Variants in OR56A1 observed in about 807,000 individuals in gnomAD.
OR56A1 encodes olfactory receptor 56A1.
For synonymous variants in OR56A1, 174 were observed against 159.1 expected (o/e 1.09, Z -0.70); for missense variants, 360 against 380.9 (o/e 0.94, Z 0.46).
At position 6,022,029 on chromosome 11, in the gene OR56A1, G is replaced by C. The variant is rs1203201292; in HGVS notation, c.*4719C>G. On this transcript the variant is annotated 3_prime_UTR_variant, in exon 2 of 2. Coordinates refer to ENST00000641900, the MANE Select transcript of OR56A1 (RefSeq NM_001388488.1). ...AAGGCCACACACATCTGTAGGTCTT[G>C]GATTTTTTGCTGCATAGAGTAATCA... is the stretch of plus-strand genomic sequence containing the variant. 6.6e-6 allele frequency: 1 copy of C among 152,098 alleles called. No individual in the cohort carries two copies. Among genetic ancestry groups the C allele is most frequent in the Non-Finnish European group, 1.5e-5 (1 of 67,982 alleles). 9.4% of individuals were successfully genotyped at this position (152,098 alleles called of 1,614,324 possible).
intron 1 of OR56A1, among the ~76,000 whole-genome samples, chr11:6,030,336 T>G (rs1848500151): frequency 6.6e-6 from 1 of 152,072 alleles, no homozygotes; most frequent in Admixed American, 6.6e-5. Context: ...AAAAGGAAAT[T>G]TTTTACTTGA....
rs1212217065 is a variant in OR56A1, at chr11:6,026,891, T to C, written c.802A>G (p.Arg268Gly). ...LLVVVLTNVA[R>G]KKVPMDILIL... is the part of the protein sequence containing the mutation. ...AGGATGTCCATGGGGACCTTCTTTC[T>C]GGCCACGTTTGTCAACACCACAACC... Residue 268 changes from arginine (R) to glycine (G), a missense_variant, in exon 2 of 2, where the codon AGA becomes GGA. Arg to Gly is a moderately radical substitution (Grantham distance 125). Transcript: ENST00000641900. 6.2e-7 allele frequency: 1 copy of C among 1,614,198 alleles called. No individual in the cohort carries two copies. The highest frequency in any genetic ancestry group is 1.1e-5 in the South Asian group (1 of 91,090).
In OR56A1 at chr11:6,025,934, C is replaced by A. The variant is rs1308846892; in HGVS notation, c.*814G>T. On this transcript the variant is annotated 3_prime_UTR_variant, in exon 2 of 2. Coordinates refer to ENST00000641900, the MANE Select transcript of OR56A1 (RefSeq NM_001388488.1). ...CCAGAAACCTGACACTATGACATATCTTTCCACATTCAACTACAGCACTTG... is the reference window on the plus strand; with the variant it reads ...CCAGAAACCTGACACTATGACATATATTTCCACATTCAACTACAGCACTTG... 1 of 152,190 alleles carries A rather than the reference C, an allele frequency of 6.6e-6. No individual in the cohort carries two copies. The highest frequency in any genetic ancestry group is 2.4e-5 in the African/African-American group (1 of 41,440). The allele number at this position is 152,190 out of a possible 1,614,324, so 9.4% of individuals were successfully genotyped here. A position where few individuals can be genotyped will look rare whatever the true frequency, so the allele number is the denominator to read the frequency against.
Position 6,021,003 on chromosome 11 carries a change from G to C in OR56A1, c.*5745C>G, listed in dbSNP as rs1208546800. On this transcript the variant is annotated 3_prime_UTR_variant, in exon 2 of 2. Coordinates refer to ENST00000641900, the MANE Select transcript of OR56A1 (RefSeq NM_001388488.1). Reference sequence around the variant, plus strand: ...AGAAATCCAGCCTGAGAAAAAGTTAGATGATGTGTATAGCAGTCCTTCTCA... The same window carrying C: ...AGAAATCCAGCCTGAGAAAAAGTTACATGATGTGTATAGCAGTCCTTCTCA... 6.6e-6 allele frequency: 1 copy of C among 152,070 alleles called. No homozygotes were observed. The highest frequency in any genetic ancestry group is 1.9e-4 in the East Asian group (1 of 5,194). 9.4% of individuals were successfully genotyped at this position (152,070 alleles called of 1,614,324 possible).
chr11:6,028,084 A>G (rs1848475056), intron 1 of OR56A1, among the ~76,000 whole-genome samples: 1 of 152,144 alleles, frequency 6.6e-6, no homozygotes, highest in Admixed American at 6.5e-5. Context: ...TTGGAGAAAA[A>G]TAGCTTTAAT....
chr11:6,029,447 A>G (rs1012736568), intron 1 of OR56A1, among the ~76,000 whole-genome samples: 10 of 151,664 alleles, frequency 6.6e-5, no homozygotes, highest in African/African-American at 2.4e-4. Flanking sequence ...TCATGCACAA[A>G]CCTCTCACAA....
chr11:6,021,884 A>T lies in OR56A1; in HGVS notation c.*4864T>A, dbSNP rs960276574. The stretch of plus-strand genomic sequence containing the variant: ...GCTCCTAAAGCATTCTCGCATTACT[A>T]TTAAGTTACTGCTAACTGAATTCTA... On this transcript the variant is annotated 3_prime_UTR_variant, in exon 2 of 2. Transcript: ENST00000641900. 6.6e-6 allele frequency: 1 copy of T among 152,182 alleles called. No homozygotes were observed. The highest frequency in any genetic ancestry group is 1.5e-5 in the Non-Finnish European group (1 of 68,016). The allele number at this position is 152,182 out of a possible 1,614,324, so 9.4% of individuals were successfully genotyped here.
upstream of OR56A1, among the ~76,000 whole-genome samples, chr11:6,032,354 T>A (rs2133612022): frequency 6.6e-6 from 1 of 152,302 alleles, no homozygotes; most frequent in South Asian, 2.1e-4. Context: ...CTACTATTAA[T>A]AAATTTTATC....
Position 6,026,137 on chromosome 11 carries a change from G to C in OR56A1, c.*611C>G, listed in dbSNP as rs1845481220. On this transcript the variant is annotated 3_prime_UTR_variant, in exon 2 of 2. Coordinates refer to ENST00000641900, the MANE Select transcript of OR56A1 (RefSeq NM_001388488.1). ...TCAAGACTCTCTCTAAGGTGATGAG[G>C]CTGTATAGGATAGAATAGAAAGCTG... 6.6e-6 allele frequency: 1 copy of C among 152,346 alleles called. No homozygotes were observed. The allele number at this position is 152,346 out of a possible 1,614,324, so 9.4% of individuals were successfully genotyped here.
Position 6,027,209 on chromosome 11 carries a change from T to A in OR56A1, c.484A>T (p.Ile162Phe). The stretch of plus-strand genomic sequence containing the variant: ...TGGAGCAGGGAAGTGAGGATAGGAA[T>A]GGGTGCAGTAAGAAGCGCATTCCGC... The part of the protein sequence containing the change: ...VVRNALLTAP[I>F]PILTSLLHYC... Residue 162 changes from isoleucine (I) to phenylalanine (F), a missense_variant, in exon 2 of 2, where the codon ATT (isoleucine) becomes TTT (phenylalanine). Ile to Phe is a conservative substitution (Grantham distance 21). Coordinates refer to ENST00000641900, the MANE Select transcript of OR56A1 (RefSeq NM_001388488.1). 1 of 1,614,228 alleles carries A rather than the reference T, an allele frequency of 6.2e-7. No homozygotes were observed. Among genetic ancestry groups the A allele is most frequent in the Non-Finnish European group, 8.5e-7 (1 of 1,180,032 alleles).
In OR56A1 at chr11:6,022,975, T is replaced by C. The variant is rs1407017725; in HGVS notation, c.*3773A>G. 2.0e-5 allele frequency: 3 copies of C among 152,198 alleles called. No homozygotes were observed. Among genetic ancestry groups the C allele is most frequent in the African/African-American group, 7.2e-5 (3 of 41,456 alleles). 9.4% of individuals were successfully genotyped at this position (152,198 alleles called of 1,614,324 possible). A position where few individuals can be genotyped will look rare whatever the true frequency, so the allele number is the denominator to read the frequency against. On this transcript the variant is annotated 3_prime_UTR_variant, in exon 2 of 2. Coordinates refer to ENST00000641900, the MANE Select transcript of OR56A1 (RefSeq NM_001388488.1). ...TTTGGTATTGACTTTTAAATGTTGC[T>C]GAAGAAAAGAAAATCATGGTATAAA...
chr11:6,031,391 G>A (rs191804550), upstream of OR56A1, among the ~76,000 whole-genome samples: 14 of 152,250 alleles, frequency 9.2e-5, no homozygotes, highest in Admixed American at 1.3e-4. Flanking sequence ...TTTAGGGTAC[G>A]TACAGAAAGA....
Position 6,021,735 on chromosome 11 carries a change from A to AG in OR56A1, c.*5012_*5013insC, listed in dbSNP as rs1280936577. On this transcript the variant is annotated 3_prime_UTR_variant, in exon 2 of 2. Coordinates refer to ENST00000641900, the MANE Select transcript of OR56A1 (RefSeq NM_001388488.1). Reference sequence around the variant, plus strand: ...CCCAAAGGCAGATGGCATTAAAAAAACAATAAAAAGCAATGATCAGGACAT... The same window carrying AG: ...CCCAAAGGCAGATGGCATTAAAAAAAGCAATAAAAAGCAATGATCAGGACAT... 6.6e-6 allele frequency: 1 copy of AG among 152,182 alleles called. No homozygotes were observed. Among genetic ancestry groups the AG allele is most frequent in the Non-Finnish European group, 1.5e-5 (1 of 68,018 alleles). The allele number at this position is 152,182 out of a possible 1,614,324, so 9.4% of individuals were successfully genotyped here.
chr11:6,021,074 G>A lies in OR56A1; in HGVS notation c.*5674C>T, dbSNP rs1306046273. 1 of 152,026 alleles carries A rather than the reference G, an allele frequency of 6.6e-6. No homozygotes were observed. The highest frequency in any genetic ancestry group is 1.9e-4 in the East Asian group (1 of 5,188). The allele number at this position is 152,026 out of a possible 1,614,324, so 9.4% of individuals were successfully genotyped here. Reference sequence around the variant, plus strand: ...AACATCATTAAGTAGAAAAAGAGTGGCATGGAGAAAGGGAGAAGACAATAT... The same window carrying A: ...AACATCATTAAGTAGAAAAAGAGTGACATGGAGAAAGGGAGAAGACAATAT... On this transcript the variant is annotated 3_prime_UTR_variant, in exon 2 of 2. Coordinates refer to ENST00000641900, the MANE Select transcript of OR56A1 (RefSeq NM_001388488.1).
chr11:6,026,869 A>G lies in OR56A1; in HGVS notation c.824T>C (p.Ile275Thr). Residue 275 changes from isoleucine (I) to threonine (T), a missense_variant, in exon 2 of 2, where the codon ATC becomes ACC. Coordinates refer to ENST00000641900, the MANE Select transcript of OR56A1 (RefSeq NM_001388488.1). ...NVARKKVPMD[I>T]LILLNVLHHL... is the part of the protein sequence containing the mutation. ...ATGAAGGACGTTCAGCAGGATCAGG[A>G]TGTCCATGGGGACCTTCTTTCTGGC... The G allele has an allele frequency of 1.2e-6, 2 of 1,614,164 alleles. No homozygotes were observed. The highest frequency in any genetic ancestry group is 1.3e-5 in the African/African-American group (1 of 75,080).
Position 6,027,228 on chromosome 11 carries a change from A to T in OR56A1, c.465T>A (p.Asn155Lys), listed in dbSNP as rs955639462. The T allele has an allele frequency of 5.0e-6, 8 of 1,614,070 alleles. No individual in the cohort carries two copies. Among genetic ancestry groups the T allele is most frequent in the Non-Finnish European group, 6.8e-6 (8 of 1,179,988 alleles). Reference protein sequence around the residue: ...AKASVFIVVRNALLTAPIPIL... With the variant: ...AKASVFIVVRKALLTAPIPIL... ...TAGGAATGGGTGCAGTAAGAAGCGC[A>T]TTCCGCACCACAATGAAGACACTAG... is the stretch of plus-strand genomic sequence containing the variant. The change falls in exon 2 of 2, where the codon AAT becomes AAA. Residue 155 changes from asparagine to lysine, a missense_variant. Transcript: ENST00000641900.
chr11:6,031,939 T>C (rs1471510732), upstream of OR56A1, among the ~76,000 whole-genome samples: 4 of 151,892 alleles, frequency 2.6e-5, no homozygotes, highest in African/African-American at 9.7e-5. Context: ...GCTAGAAAGG[T>C]ATAAAGAAAA....
At chr11:6,033,623 G>A (rs1848532715), upstream of OR56A1, among the ~76,000 whole-genome samples, 1 of 151,566 alleles carries the variant, frequency 6.6e-6, no homozygotes, top group African/African-American at 2.4e-5. Context: ...AGGATGATAA[G>A]AGGCATTGCT....
In OR56A1 at chr11:6,027,746, C is replaced by T; in HGVS notation, c.-34-20G>A. On this transcript the variant is annotated intron_variant, in intron 1 of 1. Transcript: ENST00000641900. ...TGATGACTATGTTTATGGGCAGATA[C>T]AAGAGGTTATTTTTACAAATTGCTT... The T allele has an allele frequency of 7.3e-7, 1 of 1,369,730 alleles. No individual in the cohort carries two copies. Among genetic ancestry groups the T allele is most frequent in the East Asian group, 2.3e-5 (1 of 43,152 alleles). The allele number at this position is 1,369,730 out of a possible 1,614,324, so 84.8% of individuals were successfully genotyped here.
Sources: allele counts gnomAD v4.1 joint callset (sites outside exome capture counted in the v4.1 genomes callset), GRCh38; gene constraint gnomAD v4.1.1; transcripts MANE v1.5; gene names NCBI Gene and HGNC (gene_info 2026-07-23, HGNC 2026-07-21).